The following LMNA variants were observed in gnomAD, a reference collection of about 807,000 sequenced individuals.
LMNA encodes lamin.
A neutral mutation model predicts 70.4 loss-of-function variants in LMNA; 20 were observed. That is an observed-to-expected ratio of 0.28 (90% CI 0.20 to 0.41). The LOEUF (loss-of-function observed/expected upper bound fraction) is 0.41, where lower values mean the gene tolerates loss of function less well. LMNA is among the 10% of genes least tolerant of loss of function. The probability of loss-of-function intolerance (pLI) is 1.00; values close to 1 mark genes in which losing one functional copy is unlikely to be tolerated. For synonymous variants in LMNA, 339 were observed against 372.8 expected, an observed-to-expected ratio of 0.91 and a Z score of 1.04; for missense variants, 652 against 917.2, an observed-to-expected ratio of 0.71 and a Z score of 3.73.
intron 1 of LMNA, among the ~76,000 whole-genome samples, chr1:156,120,675 T>G (rs1650124907): frequency 6.6e-6 from 1 of 152,156 alleles, no homozygotes; most frequent in Non-Finnish European, 1.5e-5. Flanking sequence ...ACTGCACTAC[T>G]GCACTCTAGC....
At chr1:156,094,615 C>G (rs534282227) in intron 3 of LMNA, among the ~76,000 whole-genome samples, 29 of 152,244 alleles carry the variant, frequency 1.9e-4, no homozygotes, top group African/African-American at 3.6e-4. Flanking sequence ...TCCCAAAGTG[C>G]TGGGATTACA....
intron 3 of LMNA, among the ~76,000 whole-genome samples, chr1:156,092,329 ATCGT>A (rs1187356415): frequency 1.3e-5 from 2 of 152,210 alleles, no homozygotes; most frequent in East Asian, 3.9e-4. Flanking sequence ...GTGAGCTGTG[ATCGT>A]GCCACTGCAC....
At chr1:156,105,484 G>A (rs1357015451) in intron 3 of LMNA, among the ~76,000 whole-genome samples, 1 of 152,112 alleles carries the variant, frequency 6.6e-6, no homozygotes, top group African/African-American at 2.4e-5. Context: ...ATCTCCTGCA[G>A]ATTCACCACC....
Position 156,134,022 on chromosome 1 carries a change from ATCTTT to A in LMNA, c.514-374_514-370del, listed in dbSNP as rs987014834. 1.0e-4 allele frequency among the ~76,000 whole-genome samples: 15 copies of A among 147,574 alleles called. No individual in the cohort carries two copies. The highest frequency in any genetic ancestry group is 4.0e-4 in the African/African-American group (15 of 37,654). Reference sequence around the variant, plus strand: ...GGAGTCCTGTGGCTGGGGGGCATATATCTTTTCTTTTTGAGACAGAGTCTAGCTGT... The same window carrying A: ...GGAGTCCTGTGGCTGGGGGGCATATATCTTTTTGAGACAGAGTCTAGCTGT... On this transcript the variant is annotated intron_variant, in intron 2 of 11. Transcript: ENST00000368300. The surrounding 1 kb of genome is among the most constrained non-coding windows in gnomAD (Gnocchi z 5.3).
Position 156,136,891 on chromosome 1 carries a change from C to T in LMNA, c.1381-30C>T, listed in dbSNP as rs753407399. The stretch of plus-strand genomic sequence containing the variant: ...ACCCAAGAGCCTGGGTGAGCCTCCC[C>T]GACCTTCCTCTTCCCTATCTTCCCG... On this transcript the variant is annotated intron_variant, in intron 7 of 11. Transcript: ENST00000368300. The surrounding 1 kb of genome is among the most constrained non-coding windows in gnomAD (Gnocchi z 6.1). 2.8e-5 allele frequency: 44 copies of T among 1,594,848 alleles called. No individual in the cohort carries two copies. Among genetic ancestry groups the T allele is most frequent in the Admixed American group, 2.6e-4 (15 of 58,094 alleles).
intron 2 of LMNA, among the ~76,000 whole-genome samples, chr1:156,087,905 C>T (rs972328571): frequency 6.7e-6 from 1 of 149,666 alleles, no homozygotes; most frequent in African/African-American, 2.5e-5. Context: ...TGGTGTCTCG[C>T]TCGGTCACCA....
intron 1 of LMNA, among the ~76,000 whole-genome samples, chr1:156,121,671 T>C (rs913155710): frequency 2.0e-5 from 3 of 151,880 alleles, no homozygotes; most frequent in African/African-American, 7.3e-5. Context: ...CCCTCCCCCT[T>C]GCTTCCCTCC....
intron 2 of LMNA, among the ~76,000 whole-genome samples, chr1:156,087,524 A>G (rs971757673): frequency 7.3e-5 from 11 of 151,436 alleles, no homozygotes; most frequent in Admixed American, 5.9e-4. Context: ...TACAGTCGTG[A>G]GCCATCGCGC....
chr1:156,120,466 T>C (rs1650107827), intron 1 of LMNA, among the ~76,000 whole-genome samples: 1 of 152,216 alleles, frequency 6.6e-6, no homozygotes, highest in Non-Finnish European at 1.5e-5. Flanking sequence ...TCGTGGCTCA[T>C]GCCTGTAATC....
intron 3 of LMNA, among the ~76,000 whole-genome samples, chr1:156,107,210 G>GGT (rs1315565263): frequency 1.3e-5 from 2 of 152,216 alleles, no homozygotes; most frequent in Non-Finnish European, 2.9e-5. Context: ...GACTGGGGCA[G>GGT]GTGGGAGGGC....
At chr1:156,100,622 C>T (rs1038450257) in intron 3 of LMNA, among the ~76,000 whole-genome samples, 2 of 151,740 alleles carry the variant, frequency 1.3e-5, no homozygotes, top group African/African-American at 2.4e-5. Flanking sequence ...GAAGGTGGGG[C>T]CTGCAGGAGG....
At position 156,137,837 on chromosome 1, in the gene LMNA, C is replaced by A. The variant is rs1359092038; in HGVS notation, c.1698+94C>A. The A allele has an allele frequency of 1.3e-5, 20 of 1,538,992 alleles. No homozygotes were observed. The highest frequency in any genetic ancestry group is 1.7e-5 in the Non-Finnish European group (20 of 1,144,882). On this transcript the variant is annotated intron_variant, in intron 10 of 11. Coordinates refer to ENST00000368300, the MANE Select transcript of LMNA (RefSeq NM_170707.4). The surrounding 1 kb of genome is among the most constrained non-coding windows in gnomAD (Gnocchi z 4.6). The stretch of plus-strand genomic sequence containing the variant: ...TCCCCAGCCTCCCCGTGCCAAAAAT[C>A]TTTTCATTAAAGAATGTTTTGGAAC...
Position 156,130,443 on chromosome 1 carries a change from T to TG in LMNA, c.357-171dup, listed in dbSNP as rs113265975. Among the ~76,000 whole-genome samples the TG allele has an allele frequency of 0.082, 12,424 of 151,398 alleles. 810 individuals are homozygous for TG. Among genetic ancestry groups the TG allele is most frequent in the African/African-American group, 0.17 (7,173 of 41,190 alleles). ...GGGGTTTTCAAGGACCTTGGGGAGG[T>TG]GGGAGCCCAGCCCCAGAGGCAAGCA... is the stretch of plus-strand genomic sequence containing the variant. On this transcript the variant is annotated intron_variant, in intron 1 of 11. Transcript: ENST00000368300.
chr1:156,094,336 G>A (rs1417275481), intron 3 of LMNA, among the ~76,000 whole-genome samples: 2 of 152,146 alleles, frequency 1.3e-5, no homozygotes, highest in African/African-American at 2.4e-5. Context: ...CTGAAGTGGA[G>A]GAGTCATGTC....
intron 3 of LMNA, among the ~76,000 whole-genome samples, chr1:156,104,488 C>T (rs1460341956): frequency 6.6e-6 from 1 of 151,872 alleles, no homozygotes; most frequent in Non-Finnish European, 1.5e-5. Flanking sequence ...AAATGTGGTC[C>T]TCACCCCCTC....
At chr1:156,132,599 C>G (rs1651167680) in intron 2 of LMNA, among the ~76,000 whole-genome samples, 3 of 152,194 alleles carry the variant, frequency 2.0e-5, no homozygotes, top group African/African-American at 7.2e-5. Context: ...AGTGGCCAAG[C>G]TTCCATCCTG....
At chr1:156,088,129 C>T (rs566718551) in intron 2 of LMNA, among the ~76,000 whole-genome samples, 2 of 152,090 alleles carry the variant, frequency 1.3e-5, no homozygotes, top group South Asian at 4.2e-4. Context: ...CTCGGCCTCC[C>T]AAAGTGCTGG....
At chr1:156,126,493 TG>T in intron 1 of LMNA, 3 of 661,262 alleles carry the variant, frequency 4.5e-6, no homozygotes, top group Non-Finnish European at 8.4e-6. Context: ...ACTCAGAGGG[TG>T]GGTCAGCGCC....
chr1:156,106,189 C>T (rs1649338093), intron 3 of LMNA, among the ~76,000 whole-genome samples: 1 of 152,160 alleles, frequency 6.6e-6, no homozygotes, highest in Non-Finnish European at 1.5e-5. Context: ...CCGGCAAACC[C>T]AGGGCAATTG....
Sources: allele counts gnomAD v4.1 joint callset (sites outside exome capture counted in the v4.1 genomes callset), GRCh38; gene constraint gnomAD v4.1.1; non-coding constraint Gnocchi (gnomAD v3.1); transcripts MANE v1.5; gene names NCBI Gene and HGNC (gene_info 2026-07-23, HGNC 2026-07-21).